SCN10A: variants seen among roughly 807,000 people sequenced by gnomAD.
The protein encoded by SCN10A is sodium channel protein type 10 subunit alpha.
A neutral mutation model predicts 170.7 loss-of-function variants in SCN10A; 162 were observed. The ratio of observed to expected loss-of-function variants is 0.95; its 90% CI spans 0.84 to 1.08. SCN10A has a LOEUF of 1.08. Ranked by LOEUF, SCN10A falls within the 50% of genes least tolerant of loss-of-function variation. The pLI, the probability that SCN10A is intolerant of heterozygous loss-of-function variation, is 0.00. For missense variants in SCN10A, 2,527 were observed against 2,436.9 expected (o/e 1.04, Z -0.78); for synonymous variants, 985 against 904.6 (o/e 1.09, Z -1.59).
At chr3:38,813,925 A>T (rs1449639787) in intron 1 of SCN10A, among the ~76,000 whole-genome samples, 1 of 152,238 alleles carries the variant, frequency 6.6e-6, no homozygotes, top group Admixed American at 6.5e-5. Context: ...ACACCAAGCC[A>T]TGATTTTTAT....
At chr3:38,798,472 AT>A (rs1205372825) in intron 1 of SCN10A, among the ~76,000 whole-genome samples, 1 of 152,112 alleles carries the variant, frequency 6.6e-6, no homozygotes, top group African/African-American at 2.4e-5. Context: ...GGGAATCCCT[AT>A]TTTAGAGTCT....
intron 15 of SCN10A, among the ~76,000 whole-genome samples, chr3:38,734,622 G>T (rs948919171): frequency 3.9e-5 from 6 of 152,032 alleles, no homozygotes; most frequent in Non-Finnish European, 5.9e-5. Flanking sequence ...TAGAATAATT[G>T]TCTGATAAAA....
At chr3:38,757,340 G>A (rs557231872) in intron 8 of SCN10A, among the ~76,000 whole-genome samples, 181 bp from the exon 9 acceptor site, 3 of 152,258 alleles carry the variant, frequency 2.0e-5, no homozygotes, top group African/African-American at 7.2e-5. Flanking sequence ...TCCATAAAAC[G>A]GGGACGCTAA....
intron 1 of SCN10A, among the ~76,000 whole-genome samples, chr3:38,796,980 T>A (rs574470364): frequency 6.6e-6 from 1 of 152,144 alleles, no homozygotes; most frequent in Admixed American, 6.5e-5. Flanking sequence ...ATAGAGATAA[T>A]GGCGAAACTT....
At chr3:38,742,569 G>A (rs2063645620) in intron 13 of SCN10A, 40 bp from the exon 14 acceptor site, 1 of 1,526,142 alleles carries the variant, frequency 6.6e-7, no homozygotes. Flanking sequence ...TCAGCCATGT[G>A]TCACCTTGGA....
chr3:38,747,905 A>G (rs1337217239), intron 13 of SCN10A, among the ~76,000 whole-genome samples: 1 of 152,028 alleles, frequency 6.6e-6, no homozygotes, highest in Non-Finnish European at 1.5e-5. Context: ...TACTTCTTAT[A>G]TCTGAATATC....
Position 38,750,177 on chromosome 3 carries a change from T to C in SCN10A, c.1763A>G (p.Asp588Gly). The change falls in exon 13 of 28, where the codon GAT (aspartate) becomes GGT (glycine). Residue 588 changes from aspartate (D) to glycine (G), a missense_variant. Physicochemically the swap from Asp to Gly is moderately conservative, Grantham distance 94. Transcript: ENST00000449082. ...CAAGAAAGTCTTCTTTTGTCCTGCATCGAATGCCTGTTGAGACACAAACAG... is the reference window on the plus strand; with the variant it reads ...CAAGAAAGTCTTCTTTTGTCCTGCACCGAATGCCTGTTGAGACACAAACAG... ...APGAVDVSAF[D>G]AGQKKTFLSA... is the part of the protein sequence containing the mutation. 1 of 1,605,676 alleles carries C rather than the reference T, an allele frequency of 6.2e-7. No individual in the cohort carries two copies.
At chr3:38,706,541 C>G (rs2063212983) in intron 26 of SCN10A, among the ~76,000 whole-genome samples, 1 of 152,192 alleles carries the variant, frequency 6.6e-6, no homozygotes, top group South Asian at 2.1e-4. Flanking sequence ...ATCTTCACCC[C>G]CAAACCTGTT....
At chr3:38,746,211 C>T (rs1056821479) in intron 13 of SCN10A, among the ~76,000 whole-genome samples, 8 of 150,922 alleles carry the variant, frequency 5.3e-5, no homozygotes, top group African/African-American at 1.9e-4. Flanking sequence ...ATCCCAGACT[C>T]AACTCATAAT....
At chr3:38,789,417 A>G (rs142698764) in intron 3 of SCN10A, among the ~76,000 whole-genome samples, 10 of 152,288 alleles carry the variant, frequency 6.6e-5, no homozygotes, top group Admixed American at 6.5e-4. Flanking sequence ...CTTTTCCAAA[A>G]TGTCCTTCTG....
At chr3:38,752,580 T>C (rs2063761427) in intron 11 of SCN10A, 68 bp from the exon 12 acceptor site, 1 of 1,320,664 alleles carries the variant, frequency 7.6e-7, no homozygotes, top group Admixed American at 2.7e-5. Flanking sequence ...AGCCCAACAC[T>C]TCCCTCTACC....
chr3:38,764,330 C>T (rs778044205), intron 5 of SCN10A, among the ~76,000 whole-genome samples: 3 of 152,254 alleles, frequency 2.0e-5, no homozygotes, highest in Non-Finnish European at 4.4e-5. Flanking sequence ...GAGCAGTGTA[C>T]ACTGTACCCA....
intron 4 of SCN10A, among the ~76,000 whole-genome samples, chr3:38,778,398 C>G (rs187154278): frequency 3.5e-4 from 53 of 151,996 alleles, no homozygotes; most frequent in African/African-American, 1.1e-3. Flanking sequence ...ACCCCCTGCT[C>G]TCTTTACCTT....
chr3:38,808,487 C>T (rs1312847800), intron 1 of SCN10A, among the ~76,000 whole-genome samples: 1 of 152,154 alleles, frequency 6.6e-6, no homozygotes, highest in Admixed American at 6.5e-5. Flanking sequence ...AGCCACAGAC[C>T]ATGTTCATAT....
At chr3:38,741,592 A>C (rs1006823827) in intron 14 of SCN10A, among the ~76,000 whole-genome samples, 2 of 152,210 alleles carry the variant, frequency 1.3e-5, no homozygotes, top group Admixed American at 1.3e-4. Flanking sequence ...AGGTTGGAGC[A>C]GTTGTTGTCC....
intron 25 of SCN10A, among the ~76,000 whole-genome samples, chr3:38,708,491 T>C (rs1343761401): frequency 6.6e-6 from 1 of 152,204 alleles, no homozygotes; most frequent in Non-Finnish European, 1.5e-5. Context: ...CTTCTTATGC[T>C]CAGAACCCTG....
chr3:38,808,836 T>C (rs2064422232), intron 1 of SCN10A, among the ~76,000 whole-genome samples: 1 of 152,196 alleles, frequency 6.6e-6, no homozygotes, highest in African/African-American at 2.4e-5. Context: ...CAGTGACATT[T>C]ATTAAGAAGG....
At chr3:38,730,261 T>C (rs1159047454) in intron 15 of SCN10A, among the ~76,000 whole-genome samples, 1 of 152,100 alleles carries the variant, frequency 6.6e-6, no homozygotes, top group Admixed American at 6.5e-5. Flanking sequence ...AGGAGGAAAA[T>C]TGACGCTGAG....
intron 15 of SCN10A, among the ~76,000 whole-genome samples, chr3:38,729,319 T>A (rs1353632231): frequency 6.6e-6 from 1 of 152,184 alleles, no homozygotes; most frequent in Non-Finnish European, 1.5e-5. Context: ...GGGTAGGGGA[T>A]GACCCACTGC....
Sources: gnomAD v4.1 joint callset for allele counts (sites outside exome capture counted in the v4.1 genomes callset) on GRCh38, gnomAD v4.1.1 for gene constraint, MANE v1.5 for transcripts, NCBI Gene and HGNC (gene_info 2026-07-23, HGNC 2026-07-21) for gene names.